The following SPATS2 variants were observed in gnomAD, a reference collection of about 807,000 sequenced individuals.
The protein encoded by SPATS2 is spermatogenesis-associated serine-rich protein 2.
Under a neutral mutation model 63.7 loss-of-function variants are expected in SPATS2, and 38 were observed. The observed-to-expected ratio is 0.60, with a 90% CI of 0.46 to 0.78. The LOEUF is 0.78. Among genes scored for constraint, SPATS2 ranks in the 30% least tolerant of loss-of-function variants. SPATS2 has a pLI of 0.00. For missense variants in SPATS2, 588 were observed against 666.2 expected (o/e 0.88, Z 1.29); for synonymous variants, 207 against 232.9 (o/e 0.89, Z 1.01).
intron 2 of SPATS2, among the ~76,000 whole-genome samples, chr12:49,436,820 G>GCT: frequency 7.2e-6 from 1 of 139,620 alleles, no homozygotes; most frequent in South Asian, 2.3e-4. Flanking sequence ...GGGCAGAGGC[G>GCT]CCCCTCACCT....
At chr12:49,426,261 G>A (rs1232653470) in intron 2 of SPATS2, among the ~76,000 whole-genome samples, 7 of 151,468 alleles carry the variant, frequency 4.6e-5, no homozygotes, top group African/African-American at 7.3e-5. Flanking sequence ...AGGGTACAAC[G>A]TAATGAATTT....
intron 2 of SPATS2, among the ~76,000 whole-genome samples, chr12:49,433,721 C>G (rs79697224): frequency 0.014 from 2,150 of 152,226 alleles, 21 homozygotes; most frequent in Middle Eastern, 0.024. Flanking sequence ...ATATGACTTG[C>G]AAGTATTTTC....
chr12:49,405,381 C>T (rs1020766852), intron 2 of SPATS2, among the ~76,000 whole-genome samples: 1 of 152,008 alleles, frequency 6.6e-6, no homozygotes, highest in Non-Finnish European at 1.5e-5. Context: ...ATTAATTGTT[C>T]ATATGTCCAT....
chr12:49,455,433 G>A (rs1945702972), intron 2 of SPATS2, among the ~76,000 whole-genome samples: 1 of 152,170 alleles, frequency 6.6e-6, no homozygotes, highest in Non-Finnish European at 1.5e-5. Context: ...TCTGACACAG[G>A]ATCTTGCTCT....
intron 2 of SPATS2, among the ~76,000 whole-genome samples, chr12:49,375,473 G>T (rs1190973900): frequency 1.3e-5 from 2 of 152,092 alleles, no homozygotes; most frequent in African/African-American, 2.4e-5. Flanking sequence ...TATCCACTTG[G>T]TCTCTGATCA....
In SPATS2 at chr12:49,524,830, T is replaced by G; in HGVS notation, c.1260T>G (p.Phe420Leu). Reference sequence around the variant, plus strand: ...TTACAAGTGCTAACAAGAAAAACTTTGCACCGGGAGAGACTCCTGCAGCCA... The same window carrying G: ...TTACAAGTGCTAACAAGAAAAACTTGGCACCGGGAGAGACTCCTGCAGCCA... ...PSLTSANKKN[F>L]APGETPAAIA... The change falls in exon 13 of 14, where the codon TTT (phenylalanine) becomes TTG (leucine). Residue 420 changes from phenylalanine (F) to leucine (L), a missense_variant. Transcript: ENST00000552918. 1 of 1,614,098 alleles carries G rather than the reference T, an allele frequency of 6.2e-7. No individual in the cohort carries two copies. Among genetic ancestry groups the G allele is most frequent in the Non-Finnish European group, 8.5e-7 (1 of 1,180,008 alleles).
chr12:49,511,020 C>T (rs1247429759), intron 9 of SPATS2, among the ~76,000 whole-genome samples: 1 of 151,994 alleles, frequency 6.6e-6, no homozygotes, highest in Non-Finnish European at 1.5e-5. Flanking sequence ...TGGCAACATA[C>T]CAAAACCCCA....
chr12:49,520,522 G>A (rs1946923361), intron 11 of SPATS2, among the ~76,000 whole-genome samples: 1 of 152,006 alleles, frequency 6.6e-6, no homozygotes, highest in South Asian at 2.1e-4. Flanking sequence ...TGGTTACTTT[G>A]TCTTCCCCAC....
intron 2 of SPATS2, among the ~76,000 whole-genome samples, chr12:49,384,430 A>T (rs1232150676): frequency 1.3e-5 from 2 of 152,202 alleles, no homozygotes; most frequent in African/African-American, 4.8e-5. Flanking sequence ...CCCATTCCCC[A>T]TACATGGTAC....
At chr12:49,465,210 T>G (rs533547994) in intron 3 of SPATS2, among the ~76,000 whole-genome samples, 139 of 152,350 alleles carry the variant, frequency 9.1e-4, no homozygotes, top group African/African-American at 3.2e-3. Context: ...GTGTTTGCAT[T>G]TCTCTTGTGG....
chr12:49,461,688 A>G (rs543565116), intron 3 of SPATS2, among the ~76,000 whole-genome samples: 14 of 152,318 alleles, frequency 9.2e-5, no homozygotes, highest in African/African-American at 3.4e-4. Context: ...TTCCAGTTCA[A>G]AGTTAATGTT....
intron 2 of SPATS2, among the ~76,000 whole-genome samples, chr12:49,390,984 A>C (rs538988207): frequency 6.6e-6 from 1 of 152,282 alleles, no homozygotes; most frequent in Non-Finnish European, 1.5e-5. Context: ...TAATTAACAG[A>C]ATTGAAGTGT....
chr12:49,402,234 C>CAA, intron 2 of SPATS2, among the ~76,000 whole-genome samples: 1 of 152,138 alleles, frequency 6.6e-6, no homozygotes, highest in African/African-American at 2.4e-5. Flanking sequence ...TGGTGTTTTG[C>CAA]CAGGCAGGTA....
intron 2 of SPATS2, among the ~76,000 whole-genome samples, chr12:49,440,938 A>G (rs1210085985): frequency 6.6e-6 from 1 of 152,166 alleles, no homozygotes; most frequent in Admixed American, 6.5e-5. Flanking sequence ...TTGCCTTATT[A>G]ATAGTGCTAA....
chr12:49,379,053 G>A lies in SPATS2; in HGVS notation c.-244+7763G>A, dbSNP rs575355201. Among the ~76,000 whole-genome samples, 34 of 151,866 alleles carry A rather than the reference G, an allele frequency of 2.2e-4. No homozygotes were observed. In the South Asian group the frequency reaches 6.9e-3, roughly 31 times the overall value. ...CTGCCTCAGCCTCCTCAGTAGCTGG[G>A]ATTACAGGCATGTGCCACCATGCCC... is the stretch of plus-strand genomic sequence containing the variant. On this transcript the variant is annotated intron_variant, in intron 2 of 13. Coordinates refer to ENST00000552918, the MANE Select transcript of SPATS2 (RefSeq NM_023071.4).
At chr12:49,457,259 G>T (rs1302938582) in intron 2 of SPATS2, among the ~76,000 whole-genome samples, 1 of 151,836 alleles carries the variant, frequency 6.6e-6, no homozygotes, top group East Asian at 1.9e-4. Context: ...TTTTATAGTA[G>T]GTTTGATAGC....
intron 13 of SPATS2, 100 bp from the exon 14 acceptor site, chr12:49,525,844 T>C: frequency 7.6e-7 from 1 of 1,317,554 alleles, no homozygotes; most frequent in African/African-American, 1.5e-5. Context: ...GTCCCAAGCA[T>C]GGGATACCAC....
intron 2 of SPATS2, chr12:49,387,108 TACTC>T (rs781377771): frequency 9.2e-5 from 14 of 152,132 alleles, no homozygotes; most frequent in Non-Finnish European, 1.9e-4. Context: ...AGAGGACACT[TACTC>T]ACCCCCAGGT....
chr12:49,397,105 G>A (rs1468868862), intron 2 of SPATS2, among the ~76,000 whole-genome samples: 1 of 152,086 alleles, frequency 6.6e-6, no homozygotes, highest in Non-Finnish European at 1.5e-5. Context: ...TATTCCCTCT[G>A]TCTGGAATGT....
Sources: allele counts gnomAD v4.1 joint callset (sites outside exome capture counted in the v4.1 genomes callset), GRCh38; gene constraint gnomAD v4.1.1; transcripts MANE v1.5; gene names NCBI Gene and HGNC (gene_info 2026-07-23, HGNC 2026-07-21).